DCDC2C: variants seen among roughly 807,000 people sequenced by gnomAD.
DCDC2C encodes the protein doublecortin domain-containing protein 2C.
In DCDC2C, 44 loss-of-function variants were observed where a neutral mutation model predicts 45.0. The ratio of observed to expected loss-of-function variants is 0.98; its 90% CI spans 0.77 to 1.26. The LOEUF (loss-of-function observed/expected upper bound fraction) is 1.26, where lower values mean the gene tolerates loss of function less well. Ranked by LOEUF, DCDC2C falls within the 50% of genes most tolerant of loss-of-function variation. The probability of loss-of-function intolerance (pLI) is 0.00; values close to 1 mark genes in which losing one functional copy is unlikely to be tolerated. For synonymous variants in DCDC2C, 187 were observed against 178.8 expected (o/e 1.05, Z -0.37); for missense variants, 447 against 468.9 (o/e 0.95, Z 0.43).
At chr2:3,831,287 G>C (rs909503009) in intron 10 of DCDC2C, among the ~76,000 whole-genome samples, 1 of 152,214 alleles carries the variant, frequency 6.6e-6, no homozygotes, top group East Asian at 1.9e-4. Context: ...TGTGTTCTGA[G>C]AAATGCTCCT....
intron 10 of DCDC2C, among the ~76,000 whole-genome samples, chr2:3,838,677 T>G (rs1390816187): frequency 6.6e-6 from 1 of 152,150 alleles, no homozygotes; most frequent in African/African-American, 2.4e-5. Flanking sequence ...CCCTACCCAC[T>G]TCCGTGGCTG....
At chr2:3,824,702 C>G (rs1276073431) in intron 10 of DCDC2C, among the ~76,000 whole-genome samples, 1 of 152,056 alleles carries the variant, frequency 6.6e-6, no homozygotes, top group African/African-American at 2.4e-5. Flanking sequence ...TTTCTCTTCC[C>G]CCCGACCCCA....
chr2:3,757,907 C>T (rs930127918), intron 6 of DCDC2C, among the ~76,000 whole-genome samples: 4 of 152,160 alleles, frequency 2.6e-5, no homozygotes, highest in Non-Finnish European at 4.4e-5. Flanking sequence ...CCAATGGAGT[C>T]AGGAAGAAAC....
chr2:3,828,686 C>T (rs192879060), intron 10 of DCDC2C, among the ~76,000 whole-genome samples: 89 of 152,308 alleles, frequency 5.8e-4, no homozygotes, highest in African/African-American at 2.1e-3. Flanking sequence ...GCCTTTCCTG[C>T]TGAATGCTTA....
At chr2:3,798,820 A>G (rs2148199145) in intron 10 of DCDC2C, among the ~76,000 whole-genome samples, 1 of 152,002 alleles carries the variant, frequency 6.6e-6, no homozygotes, top group South Asian at 2.1e-4. Context: ...CCTTCATTTC[A>G]ACTTTGGTGA....
chr2:3,766,106 G>A (rs895265585), intron 6 of DCDC2C, among the ~76,000 whole-genome samples: 2 of 152,094 alleles, frequency 1.3e-5, no homozygotes, highest in South Asian at 2.1e-4. Flanking sequence ...GAGGCTCCGC[G>A]TTTGTATCTC....
chr2:3,757,071 T>G (rs1022938804), intron 6 of DCDC2C, among the ~76,000 whole-genome samples: 6 of 152,240 alleles, frequency 3.9e-5, no homozygotes, highest in Admixed American at 3.9e-4. Context: ...TTAATTTTTT[T>G]TGGCCTCATT....
At chr2:3,796,206 G>T (rs1466923752) in intron 10 of DCDC2C, among the ~76,000 whole-genome samples, 1 of 106,018 alleles carries the variant, frequency 9.4e-6, no homozygotes, top group Non-Finnish European at 1.9e-5. Flanking sequence ...TGTGATTTTT[G>T]TACATTGATT....
chr2:3,846,250 C>G (rs1458365185), intron 10 of DCDC2C, among the ~76,000 whole-genome samples: 1 of 151,696 alleles, frequency 6.6e-6, no homozygotes, highest in Non-Finnish European at 1.5e-5. Flanking sequence ...ACTCTTCCTC[C>G]CCCACTCCCT....
At chr2:3,833,437 C>T (rs1391442770) in intron 10 of DCDC2C, among the ~76,000 whole-genome samples, 2 of 152,188 alleles carry the variant, frequency 1.3e-5, no homozygotes, top group Non-Finnish European at 2.9e-5. Flanking sequence ...ACAAGTAGGT[C>T]TTTCATTTGC....
intron 4 of DCDC2C, among the ~76,000 whole-genome samples, chr2:3,747,020 G>C (rs1248821748): frequency 6.6e-6 from 1 of 152,162 alleles, no homozygotes; most frequent in Non-Finnish European, 1.5e-5. Flanking sequence ...AAACTTTCTG[G>C]AAAATGCTGG....
At chr2:3,742,568 C>T (rs1052982476) in intron 4 of DCDC2C, among the ~76,000 whole-genome samples, 7 of 152,248 alleles carry the variant, frequency 4.6e-5, no homozygotes, top group East Asian at 1.9e-4. Flanking sequence ...ATCTGTGTCT[C>T]GGTTACCTTG....
chr2:3,780,579 G>A (rs988242952), intron 9 of DCDC2C, among the ~76,000 whole-genome samples: 1 of 152,150 alleles, frequency 6.6e-6, no homozygotes, highest in Admixed American at 6.5e-5. Context: ...GATCTAAAAG[G>A]TGATAGGGAC....
intron 10 of DCDC2C, among the ~76,000 whole-genome samples, chr2:3,794,011 A>C (rs1181318239): frequency 1.3e-5 from 2 of 152,246 alleles, no homozygotes; most frequent in African/African-American, 4.8e-5. Context: ...AAACTTGACA[A>C]GTGATAGTTT....
chr2:3,813,912 A>G lies in DCDC2C; in HGVS notation c.1065+28812A>G, dbSNP rs1322100801. Reference sequence around the variant, plus strand: ...TTAATTAGGGCATTAGGCCATTTATATTTAAGGTTATTATTGTTATGTGTG... The same window carrying G: ...TTAATTAGGGCATTAGGCCATTTATGTTTAAGGTTATTATTGTTATGTGTG... On this transcript the variant is annotated intron_variant, in intron 10 of 10. Transcript: ENST00000399143. 2.0e-5 allele frequency among the ~76,000 whole-genome samples: 3 copies of G among 152,120 alleles called. No homozygotes were observed. In the East Asian group the frequency reaches 5.8e-4, roughly 29 times the overall value.
Position 3,820,703 on chromosome 2 carries a change from C to T in DCDC2C, c.1066-26451C>T, listed in dbSNP as rs183616279. On this transcript the variant is annotated intron_variant, in intron 10 of 10. Coordinates refer to ENST00000399143, the MANE Select transcript of DCDC2C (RefSeq NM_001287444.2). ...GGAAAAAGAACTGGAATTGGAAGGA[C>T]GGGGAGATTGGAGGGTAGCAAGAGA... is the stretch of plus-strand genomic sequence containing the variant. Among the ~76,000 whole-genome samples the T allele has an allele frequency of 2.7e-3, 412 of 151,876 alleles. 1 individual carries two copies. Among genetic ancestry groups the T allele is most frequent in the African/African-American group, 8.7e-3 (360 of 41,404 alleles).
intron 10 of DCDC2C, among the ~76,000 whole-genome samples, chr2:3,831,705 C>T (rs1452524941): frequency 6.6e-6 from 1 of 152,114 alleles, no homozygotes; most frequent in Non-Finnish European, 1.5e-5. Flanking sequence ...TGAATTCAGC[C>T]ATGTGTGTGG....
chr2:3,825,596 G>T (rs1163068022), intron 10 of DCDC2C, among the ~76,000 whole-genome samples: 1 of 152,116 alleles, frequency 6.6e-6, no homozygotes, highest in Non-Finnish European at 1.5e-5. Flanking sequence ...TGACCCATGG[G>T]GATTAGTATG....
At chr2:3,813,706 A>T (rs1365002882) in intron 10 of DCDC2C, among the ~76,000 whole-genome samples, 7 of 119,718 alleles carry the variant, frequency 5.8e-5, no homozygotes, top group East Asian at 2.4e-4. Flanking sequence ...AGTCTGTTTT[A>T]TCAGAGACTA....
Sources: gnomAD v4.1 joint callset for allele counts (sites outside exome capture counted in the v4.1 genomes callset) on GRCh38, gnomAD v4.1.1 for gene constraint, MANE v1.5 for transcripts, NCBI Gene and HGNC (gene_info 2026-07-23, HGNC 2026-07-21) for gene names.